USP24: variants seen among roughly 807,000 people sequenced by gnomAD.
The protein encoded by USP24 is ubiquitin carboxyl-terminal hydrolase 24.
Under a neutral mutation model 361.6 loss-of-function variants are expected in USP24, and 97 were observed. That is an observed-to-expected ratio of 0.27 (90% CI 0.23 to 0.32). The LOEUF (loss-of-function observed/expected upper bound fraction) is 0.32, where lower values mean the gene tolerates loss of function less well. Among genes scored for constraint, USP24 ranks in the 10% least tolerant of loss-of-function variants. The probability of loss-of-function intolerance (pLI) is 1.00; values close to 1 mark genes in which losing one functional copy is unlikely to be tolerated. For missense variants in USP24, 2,353 were observed against 3,165.6 expected (o/e 0.74, Z 6.16); for synonymous variants, 1,098 against 1,124.6 (o/e 0.98, Z 0.47).
chr1:55,098,569 GAA>G lies in USP24; in HGVS notation c.5371-13_5371-12del, dbSNP rs1269780933. On this transcript the variant is annotated splice_polypyrimidine_tract_variant and intron_variant, in intron 45 of 67. Coordinates refer to ENST00000294383, the MANE Select transcript of USP24 (RefSeq NM_015306.3). The stretch of plus-strand genomic sequence containing the variant: ...GTCTCTCCCCATTTTCTGTTGGAAT[GAA>G]AAGTTACAGTTTTAAGTGATGCCTC... 9.4e-6 allele frequency: 15 copies of G among 1,597,000 alleles called. No homozygotes were observed. In the South Asian group the frequency reaches 1.7e-4, roughly 18 times the overall value.
chr1:55,112,439 C>T (rs935184719), intron 38 of USP24, among the ~76,000 whole-genome samples: 1 of 152,184 alleles, frequency 6.6e-6, no homozygotes, highest in Non-Finnish European at 1.5e-5. Flanking sequence ...CTAAACATTG[C>T]TTTAGCTGTG....
At chr1:55,091,300 A>T (rs894496176) in intron 54 of USP24, among the ~76,000 whole-genome samples, 32 of 152,110 alleles carry the variant, frequency 2.1e-4, no homozygotes, top group African/African-American at 7.0e-4. Flanking sequence ...TTAGATTCTC[A>T]TAGGAGCATG....
intron 1 of USP24, among the ~76,000 whole-genome samples, chr1:55,201,066 T>C (rs1644558744): frequency 6.6e-6 from 1 of 152,198 alleles, no homozygotes; most frequent in Non-Finnish European, 1.5e-5. Context: ...GTAAACACTG[T>C]GACAGAAATC....
chr1:55,180,246 G>A (rs567884467), intron 1 of USP24, among the ~76,000 whole-genome samples: 1 of 152,302 alleles, frequency 6.6e-6, no homozygotes, highest in East Asian at 1.9e-4. Context: ...GCATGCCTCG[G>A]TGAATAGAAT....
chr1:55,119,978 T>C (rs1302557570), intron 38 of USP24, among the ~76,000 whole-genome samples: 5 of 152,150 alleles, frequency 3.3e-5, no homozygotes, highest in Non-Finnish European at 5.9e-5. Context: ...CCATGACACT[T>C]TATAAGCCCC....
rs780276256 is a variant in USP24 at position 55,165,956 on chromosome 1, A to C, written c.862-6T>G. On this transcript the variant is annotated splice_region_variant and splice_polypyrimidine_tract_variant and intron_variant, in intron 6 of 67. Coordinates refer to ENST00000294383, the MANE Select transcript of USP24 (RefSeq NM_015306.3). ...AATCCACCTAATTCTCCAAACTGAG[A>C]AGAAAAAAGGCACACATTAAGTTAT... 8 of 1,603,952 alleles carry C rather than the reference A, an allele frequency of 5.0e-6. No individual in the cohort carries two copies. Among genetic ancestry groups the C allele is most frequent in the Non-Finnish European group, 6.8e-6 (8 of 1,174,808 alleles).
At chr1:55,164,218 G>A (rs1444479266) in intron 7 of USP24, among the ~76,000 whole-genome samples, 2 of 151,604 alleles carry the variant, frequency 1.3e-5, no homozygotes, top group Non-Finnish European at 2.9e-5. Context: ...TGATAATTTA[G>A]GTTTAGGAGA....
At chr1:55,200,847 C>T (rs287234) in intron 1 of USP24, among the ~76,000 whole-genome samples, 127,808 of 152,202 alleles carry the variant, frequency 0.84, 56,174 homozygotes, top group Middle Eastern at 0.98. Flanking sequence ...CTACTAAAGG[C>T]TTAAAAAGGG....
intron 52 of USP24, 122 bp downstream of exon 52, chr1:55,093,815 G>A (rs1645434703): frequency 1.5e-6 from 2 of 1,353,052 alleles, no homozygotes; most frequent in South Asian, 1.5e-5. Flanking sequence ...CATGAGACAA[G>A]TGTGTAAGAC....
chr1:55,176,217 CAG>C (rs1451328299), intron 3 of USP24, among the ~76,000 whole-genome samples, 157 bp downstream of exon 3: 4 of 152,090 alleles, frequency 2.6e-5, no homozygotes, highest in African/African-American at 7.2e-5. Flanking sequence ...GCCCCAAATT[CAG>C]AGTTCCGTTT....
chr1:55,205,637 T>C (rs1438575917), intron 1 of USP24, among the ~76,000 whole-genome samples: 3 of 152,220 alleles, frequency 2.0e-5, no homozygotes, highest in African/African-American at 7.2e-5. Flanking sequence ...AGCAAAGTTT[T>C]TGAATAATTT....
intron 16 of USP24, among the ~76,000 whole-genome samples, chr1:55,149,736 AAACTTAGCTGTACAC>A (rs1647140048): frequency 6.6e-6 from 1 of 152,224 alleles, no homozygotes; most frequent in African/African-American, 2.4e-5. Flanking sequence ...GAGTATGTGC[AAACTTAGCTGTACAC>A]AAAAGGTATT....
intron 41 of USP24, among the ~76,000 whole-genome samples, chr1:55,104,235 C>A (rs1220124973): frequency 6.6e-6 from 1 of 152,094 alleles, no homozygotes; most frequent in African/African-American, 2.4e-5. Flanking sequence ...TAGTAAAATT[C>A]TTTCACTTAT....
chr1:55,139,883 C>T (rs191804632), intron 24 of USP24, among the ~76,000 whole-genome samples: 17 of 151,954 alleles, frequency 1.1e-4, no homozygotes, highest in South Asian at 2.1e-4. Context: ...GAAATTCAGA[C>T]GAAAAATTTT....
At chr1:55,185,189 G>A (rs1180748477) in intron 1 of USP24, among the ~76,000 whole-genome samples, 5 of 151,988 alleles carry the variant, frequency 3.3e-5, no homozygotes, top group Non-Finnish European at 7.4e-5. Flanking sequence ...CTAGGTTCAA[G>A]CGATTCTCCC....
At chr1:55,086,745 A>C (rs994143647) in intron 55 of USP24, among the ~76,000 whole-genome samples, 2 of 152,230 alleles carry the variant, frequency 1.3e-5, no homozygotes, top group Non-Finnish European at 2.9e-5. Flanking sequence ...GAAATGATAT[A>C]ATGTCTGCAA....
In USP24 at chr1:55,177,948, C is replaced by G. The variant is rs1650155462; in HGVS notation, c.490+19G>C. On this transcript the variant is annotated intron_variant, in intron 2 of 67. Coordinates refer to ENST00000294383, the MANE Select transcript of USP24 (RefSeq NM_015306.3). Reference sequence around the variant, plus strand: ...TATGAAACAAATGTCCTCATGTGTTCTAAGGTCTGAAAACTTACCAAGTCT... The same window carrying G: ...TATGAAACAAATGTCCTCATGTGTTGTAAGGTCTGAAAACTTACCAAGTCT... 1 of 1,549,028 alleles carries G rather than the reference C, an allele frequency of 6.5e-7. No individual in the cohort carries two copies. The highest frequency in any genetic ancestry group is 1.4e-5 in the African/African-American group (1 of 72,932).
chr1:55,146,148 C>G (rs1219577395), intron 19 of USP24, 39 bp from the exon 20 acceptor site: 2 of 1,445,778 alleles, frequency 1.4e-6, no homozygotes, highest in Non-Finnish European at 1.9e-6. Flanking sequence ...AACTAAGATC[C>G]ATTTCAGGCA....
intron 38 of USP24, among the ~76,000 whole-genome samples, chr1:55,115,303 G>C (rs1646075444): frequency 6.6e-6 from 1 of 151,764 alleles, no homozygotes. Context: ...CGAATCACGA[G>C]GTCTAAAACG....
Sources: gnomAD v4.1 joint callset for allele counts (sites outside exome capture counted in the v4.1 genomes callset) on GRCh38, gnomAD v4.1.1 for gene constraint, MANE v1.5 for transcripts, NCBI Gene and HGNC (gene_info 2026-07-23, HGNC 2026-07-21) for gene names.